SMPDL3B: variants seen among roughly 807,000 people sequenced by gnomAD.
SMPDL3B encodes the protein sphingomyelin phosphodiesterase acid like 3B.
In SMPDL3B, 31 loss-of-function variants were observed where a neutral mutation model predicts 37.9. The observed-to-expected ratio is 0.82, with a 90% confidence interval of 0.61 to 1.10. SMPDL3B has a LOEUF of 1.10. Among genes scored for constraint, SMPDL3B ranks in the 50% least tolerant of loss-of-function variants. SMPDL3B has a pLI of 0.00. For synonymous variants in SMPDL3B, 235 were observed against 242.6 expected (o/e 0.97, Z 0.29); for missense variants, 525 against 597.8 (o/e 0.88, Z 1.27).
intron 1 of SMPDL3B, among the ~76,000 whole-genome samples, chr1:27,936,141 G>A (rs1014643231): frequency 6.6e-6 from 1 of 152,128 alleles, no homozygotes; most frequent in Non-Finnish European, 1.5e-5. Flanking sequence ...AATCTATTCT[G>A]ACTTCTGTAT....
In SMPDL3B at chr1:27,958,574, G is replaced by C; in HGVS notation, c.1104G>C (p.Pro368=). The stretch of plus-strand genomic sequence containing the variant: ...AGCTGACCGAGGCCTATGGGGTGCC[G>C]GACGCCAGCGCCCACTCCATGCACA... ...EYQLTEAYGV[P]DASAHSMHTV... The change falls in exon 8 of 8, where the codon CCG becomes CCC. Residue 368 remains proline (P), a synonymous_variant. Coordinates refer to ENST00000373894, the MANE Select transcript of SMPDL3B (RefSeq NM_014474.4). The surrounding 1 kb of genome is among the most constrained non-coding windows in gnomAD (Gnocchi z 5.6). 1 of 1,613,862 alleles carries C rather than the reference G, an allele frequency of 6.2e-7. No homozygotes were observed. Among genetic ancestry groups the C allele is most frequent in the Non-Finnish European group, 8.5e-7 (1 of 1,179,986 alleles).
chr1:27,935,562 T>G (rs1448381990), intron 1 of SMPDL3B, among the ~76,000 whole-genome samples: 2 of 152,128 alleles, frequency 1.3e-5, no homozygotes, highest in Non-Finnish European at 1.5e-5. Context: ...TCCTTTCCTG[T>G]ACCATACGTT....
At position 27,945,506 on chromosome 1, in the gene SMPDL3B, G is replaced by GA; in HGVS notation, c.275+61_275+62insA. 1 of 1,361,298 alleles carries GA rather than the reference G, an allele frequency of 7.3e-7. No homozygotes were observed. Among genetic ancestry groups the GA allele is most frequent in the Non-Finnish European group, 1.0e-6 (1 of 957,770 alleles). The allele number at this position is 1,361,298 out of a possible 1,614,324, so 84.3% of individuals were successfully genotyped here. Reference sequence around the variant, plus strand: ...GGCATCTGCTATGTGCTACATACCAGTCTGGCCCTTTGCCCACATTATCTC... The same window carrying GA: ...GGCATCTGCTATGTGCTACATACCAGATCTGGCCCTTTGCCCACATTATCTC... On this transcript the variant is annotated intron_variant, in intron 2 of 7. Coordinates refer to ENST00000373894, the MANE Select transcript of SMPDL3B (RefSeq NM_014474.4). This position sits in a 1 kb window ranked among gnomAD's most constrained non-coding sequence, Gnocchi z 4.0.
In SMPDL3B at chr1:27,945,540, C is replaced by T. The variant is rs2090399929; in HGVS notation, c.275+95C>T. On this transcript the variant is annotated intron_variant, in intron 2 of 7. Transcript: ENST00000373894. The surrounding 1 kb of genome is among the most constrained non-coding windows in gnomAD (Gnocchi z 4.0). ...TTTGCCCACATTATCTCCCTTAATC[C>T]TCACATCAGTCTCACGTGAGGCTGA... is the stretch of plus-strand genomic sequence containing the variant. 2.0e-6 allele frequency: 2 copies of T among 1,007,080 alleles called. No homozygotes were observed. Among genetic ancestry groups the T allele is most frequent in the Non-Finnish European group, 3.1e-6 (2 of 651,332 alleles). 62.4% of individuals were successfully genotyped at this position (1,007,080 alleles called of 1,614,324 possible).
At chr1:27,956,148 TCA>T (rs777235340) in intron 7 of SMPDL3B, 66 bp downstream of exon 7, 1 of 1,613,772 alleles carries the variant, frequency 6.2e-7, no homozygotes, top group South Asian at 1.1e-5. Flanking sequence ...CCACCTTCCC[TCA>T]CTCTCAGCTT....
At chr1:27,955,600 G>A in intron 5 of SMPDL3B, 84 bp from the exon 6 acceptor site, 1 of 1,393,714 alleles carries the variant, frequency 7.2e-7, no homozygotes, top group East Asian at 2.3e-5. Context: ...CCTGCCTTTG[G>A]GGCAATTTGC....
intron 6 of SMPDL3B, 27 bp from the exon 7 acceptor site, chr1:27,955,922 T>A (rs762557948): frequency 6.2e-7 from 1 of 1,613,538 alleles, no homozygotes. Context: ...CCAGACCCGC[T>A]CAGTCCTGCT....
At chr1:27,944,731 C>CT (rs796904879) in intron 1 of SMPDL3B, among the ~76,000 whole-genome samples, 1,590 of 137,742 alleles carry the variant, frequency 0.012, 30 homozygotes, top group African/African-American at 0.034. Context: ...AGACTTTTTT[C>CT]TTTTTTTTTT....
chr1:27,947,802 C>T (rs1407455956), intron 2 of SMPDL3B, among the ~76,000 whole-genome samples: 4 of 151,356 alleles, frequency 2.6e-5, no homozygotes, highest in Non-Finnish European at 5.9e-5. Flanking sequence ...TGGCTGGTCT[C>T]GAACTCCTGA....
At chr1:27,951,948 G>C (rs969274531) in intron 3 of SMPDL3B, among the ~76,000 whole-genome samples, 4 of 152,312 alleles carry the variant, frequency 2.6e-5, no homozygotes, top group Middle Eastern at 3.4e-3. Context: ...CCTGTCCACA[G>C]GGTTGTTATG....
intron 1 of SMPDL3B, chr1:27,942,322 C>CT (rs11386058): frequency 4.5e-5 from 21 of 470,574 alleles, no homozygotes; most frequent in Admixed American, 1.4e-4. Context: ...AGGGCCTCCC[C>CT]CAACATCCAT....
rs748545782 is a variant in SMPDL3B, at chr1:27,945,056, A to G, written c.62-176A>G. Among the ~76,000 whole-genome samples, 11 of 152,186 alleles carry G rather than the reference A, an allele frequency of 7.2e-5. No individual in the cohort carries two copies. The highest frequency in any genetic ancestry group is 7.4e-5 in the Non-Finnish European group (5 of 68,026). ...CTGAGCCTGTTCTGTGCTCTGCTCA[A>G]TGTGTCCCTGGGCAGAGCCAGGCCT... is the stretch of plus-strand genomic sequence containing the variant. On this transcript the variant is annotated intron_variant, in intron 1 of 7. Coordinates refer to ENST00000373894, the MANE Select transcript of SMPDL3B (RefSeq NM_014474.4). This position sits in a 1 kb window ranked among gnomAD's most constrained non-coding sequence, Gnocchi z 4.0.
At position 27,942,401 on chromosome 1, in the gene SMPDL3B, G is replaced by A. The variant is rs753277288; in HGVS notation, c.62-2831G>A. Reference sequence around the variant, plus strand: ...TCACGGTCTCAGCTCAGGGACTTGGGATGCCCAGCAACTCTGCCCACCAAC... The same window carrying A: ...TCACGGTCTCAGCTCAGGGACTTGGAATGCCCAGCAACTCTGCCCACCAAC... On this transcript the variant is annotated intron_variant, in intron 1 of 7. Transcript: ENST00000373894. 3 of 465,052 alleles carry A rather than the reference G, an allele frequency of 6.5e-6. No individual in the cohort carries two copies. In the Admixed American group the frequency reaches 7.3e-5, roughly 11 times the overall value. The allele number at this position is 465,052 out of a possible 1,614,324, so 28.8% of individuals were successfully genotyped here. A position where few individuals can be genotyped will look rare whatever the true frequency, so the allele number is the denominator to read the frequency against.
At chr1:27,938,555 C>G (rs1333122237) in intron 1 of SMPDL3B, among the ~76,000 whole-genome samples, 2 of 152,148 alleles carry the variant, frequency 1.3e-5, no homozygotes, top group Non-Finnish European at 2.9e-5. Context: ...ATGTGATGGC[C>G]TTAAGTGAGA....
chr1:27,958,515 G>A lies in SMPDL3B; in HGVS notation c.1045G>A (p.Ala349Thr). 6.2e-7 allele frequency: 1 copy of A among 1,613,372 alleles called. No homozygotes were observed. The highest frequency in any genetic ancestry group is 1.3e-5 in the African/African-American group (1 of 75,056). The change falls in exon 8 of 8, where the codon GCT becomes ACT. Residue 349 changes from alanine (A) to threonine (T), a missense_variant. Transcript: ENST00000373894. The surrounding 1 kb of genome is among the most constrained non-coding windows in gnomAD (Gnocchi z 5.6). Reference sequence around the variant, plus strand: ...CTTCATGAACCTGAGCCAGGCGAATGCTCAGGGGACGCCGCGCTGGGAGCT... The same window carrying A: ...CTTCATGAACCTGAGCCAGGCGAATACTCAGGGGACGCCGCGCTGGGAGCT... ...TYFMNLSQAN[A>T]QGTPRWELEY...
At chr1:27,952,473 G>A (rs1046549467) in intron 3 of SMPDL3B, among the ~76,000 whole-genome samples, 1 of 152,128 alleles carries the variant, frequency 6.6e-6, no homozygotes, top group African/African-American at 2.4e-5. Context: ...AATATTTATT[G>A]AGCACCGATT....
intron 3 of SMPDL3B, among the ~76,000 whole-genome samples, chr1:27,951,041 G>C (rs937972617): frequency 2.6e-5 from 4 of 151,906 alleles, no homozygotes; most frequent in African/African-American, 9.7e-5. Flanking sequence ...GGGATTACAG[G>C]CATGAGCCAC....
rs1638390668 is a variant in SMPDL3B, at chr1:27,958,927, G to A, written c.*89G>A. On this transcript the variant is annotated 3_prime_UTR_variant, in exon 8 of 8. Transcript: ENST00000373894. This position sits in a 1 kb window ranked among gnomAD's most constrained non-coding sequence, Gnocchi z 5.6. ...CTGGGCCTTCCACCATTTCCTCCGC[G>A]CCTGAGGAGTGAACTGAAATAGGAC... 24 of 1,380,894 alleles carry A rather than the reference G, an allele frequency of 1.7e-5. No homozygotes were observed. Among genetic ancestry groups the A allele is most frequent in the South Asian group, 2.9e-5 (2 of 69,442 alleles). The allele number at this position is 1,380,894 out of a possible 1,614,324, so 85.5% of individuals were successfully genotyped here. A position where few individuals can be genotyped will look rare whatever the true frequency, so the allele number is the denominator to read the frequency against.
rs1337637704 is a variant in SMPDL3B at position 27,945,390 on chromosome 1, T to A, written c.220T>A (p.Ser74Thr). The change falls in exon 2 of 8, where the codon TCC (serine) becomes ACC (threonine). Residue 74 changes from serine to threonine, a missense_variant. Coordinates refer to ENST00000373894, the MANE Select transcript of SMPDL3B (RefSeq NM_014474.4). The surrounding 1 kb of genome is among the most constrained non-coding windows in gnomAD (Gnocchi z 4.0). ...CDSPWALINSSIYAMKEIEPE... is the reference protein window; with the variant it reads ...CDSPWALINSTIYAMKEIEPE... ...TTCTCCCTGGGCCCTCATCAACTCC[T>A]CCATCTATGCCATGAAGGAGATTGA... 2 of 1,613,992 alleles carry A rather than the reference T, an allele frequency of 1.2e-6. No homozygotes were observed. The highest frequency in any genetic ancestry group is 2.7e-5 in the African/African-American group (2 of 74,906).
Sources: allele counts gnomAD v4.1 joint callset (sites outside exome capture counted in the v4.1 genomes callset), GRCh38; gene constraint gnomAD v4.1.1; non-coding constraint Gnocchi (gnomAD v3.1); transcripts MANE v1.5; gene names NCBI Gene and HGNC (gene_info 2026-07-23, HGNC 2026-07-21).